Variants in KBTBD4 observed in about 807,000 individuals in gnomAD.
KBTBD4 encodes kelch repeat and BTB domain containing 4.
A neutral mutation model predicts 43.9 loss-of-function variants in KBTBD4; 30 were observed. The ratio of observed to expected loss-of-function variants is 0.68; its 90% CI spans 0.51 to 0.93. KBTBD4 has a LOEUF of 0.93. Ranked by LOEUF, KBTBD4 falls within the 40% of genes least tolerant of loss-of-function variation. The pLI, the probability that KBTBD4 is intolerant of heterozygous loss-of-function variation, is 0.00. For missense variants in KBTBD4, 575 were observed against 668.8 expected (o/e 0.86, Z 1.55); for synonymous variants, 258 against 256.9 (o/e 1.00, Z -0.04).
rs1005876907 is a variant in KBTBD4 at position 47,572,773 on chromosome 11, C to A, written c.*157G>T. 34 of 769,796 alleles carry A rather than the reference C, an allele frequency of 4.4e-5. No homozygotes were observed. Among genetic ancestry groups the A allele is most frequent in the Non-Finnish European group, 7.0e-5 (34 of 488,736 alleles). The allele number at this position is 769,796 out of a possible 1,614,324, so 47.7% of individuals were successfully genotyped here. ...GCTGAGCAGCAGCAGTCTAAAAAGC[C>A]CCAAACAGAACACCTCCATGGATTC... is the stretch of plus-strand genomic sequence containing the variant. On this transcript the variant is annotated 3_prime_UTR_variant, in exon 4 of 4. Coordinates refer to ENST00000430070, the MANE Select transcript of KBTBD4 (RefSeq NM_018095.6).
chr11:47,574,316 G>GTGAAACC (rs1565932004), intron 3 of KBTBD4, among the ~76,000 whole-genome samples: 1 of 152,090 alleles, frequency 6.6e-6, no homozygotes, highest in African/African-American at 2.4e-5. Flanking sequence ...GACCAATATG[G>GTGAAACC]TGAAACCCTG....
Position 47,572,647 on chromosome 11 carries a change from A to C in KBTBD4, c.*283T>G. The C allele has an allele frequency of 2.2e-6, 1 of 445,216 alleles. No homozygotes were observed. Among genetic ancestry groups the C allele is most frequent in the Non-Finnish European group, 4.0e-6 (1 of 248,370 alleles). 27.6% of individuals were successfully genotyped at this position (445,216 alleles called of 1,614,324 possible). On this transcript the variant is annotated 3_prime_UTR_variant, in exon 4 of 4. Transcript: ENST00000430070. ...CAGGTAAAGAGGAGAGGCTGTGCCT[A>C]AGGTCTGAGAAAAGGCTTGCTCTAA...
In KBTBD4 at chr11:47,572,198, C is replaced by G. The variant is rs150919873; in HGVS notation, c.*732G>C. 236 of 153,126 alleles carry G rather than the reference C, an allele frequency of 1.5e-3. No homozygotes were observed. The highest frequency in any genetic ancestry group is 2.2e-3 in the Non-Finnish European group (151 of 68,320). The allele number at this position is 153,126 out of a possible 1,614,324, so 9.5% of individuals were successfully genotyped here. ...TGGAATTCAACACAGACACACATAT[C>G]CCTTCAAAAACTTTTATTTGTATCA... On this transcript the variant is annotated 3_prime_UTR_variant, in exon 4 of 4. Coordinates refer to ENST00000430070, the MANE Select transcript of KBTBD4 (RefSeq NM_018095.6).
chr11:47,578,781 G>A, intron 1 of KBTBD4, 152 bp downstream of exon 1: 2 of 1,527,514 alleles, frequency 1.3e-6, no homozygotes, highest in Non-Finnish European at 1.8e-6. Context: ...CGGGGGAGGG[G>A]TGTGTAGCGT....
At chr11:47,575,506 CAAAAA>C (rs375608709) in intron 3 of KBTBD4, 82 bp downstream of exon 3, 12 of 687,330 alleles carry the variant, frequency 1.7e-5, no homozygotes, top group African/African-American at 7.4e-5. Flanking sequence ...GACTCCATCT[CAAAAA>C]AAAAAAAAAA....
rs2097254405 is a variant in KBTBD4, at chr11:47,573,797, G to C, written c.745-7C>G. The C allele has an allele frequency of 1.9e-6, 3 of 1,563,364 alleles. No individual in the cohort carries two copies. Among genetic ancestry groups the C allele is most frequent in the African/African-American group, 2.7e-5 (2 of 74,100 alleles). ...GCACATTCTCCCCAATTTCCTATTGGCAAAATTAAAATTATATGACAGCTG... is the reference window on the plus strand; with the variant it reads ...GCACATTCTCCCCAATTTCCTATTGCCAAAATTAAAATTATATGACAGCTG... On this transcript the variant is annotated splice_polypyrimidine_tract_variant and splice_region_variant and intron_variant, in intron 3 of 3. Transcript: ENST00000430070. This position sits in a 1 kb window ranked among gnomAD's most constrained non-coding sequence, Gnocchi z 4.1.
At chr11:47,575,845 T>A (rs1184231227) in intron 2 of KBTBD4, 146 bp from the exon 3 acceptor site, 1 of 481,284 alleles carries the variant, frequency 2.1e-6, no homozygotes, top group African/African-American at 2.2e-5. Context: ...ATACATGAAA[T>A]TAACCTAAAA....
In KBTBD4 at chr11:47,572,813, G is replaced by GCA; in HGVS notation, c.*115_*116dup. On this transcript the variant is annotated 3_prime_UTR_variant, in exon 4 of 4. Coordinates refer to ENST00000430070, the MANE Select transcript of KBTBD4 (RefSeq NM_018095.6). ...TCCATGGATTCAGGGAAGGGCTGAG[G>GCA]CACTGCCTTTCTAGTATGTGCCAAA... The GCA allele has an allele frequency of 9.5e-7, 1 of 1,054,222 alleles. No individual in the cohort carries two copies. The highest frequency in any genetic ancestry group is 1.4e-6 in the Non-Finnish European group (1 of 731,616). The allele number at this position is 1,054,222 out of a possible 1,614,324, so 65.3% of individuals were successfully genotyped here. A position where few individuals can be genotyped will look rare whatever the true frequency, so the allele number is the denominator to read the frequency against.
At chr11:47,578,280 C>T (rs1265660774) in intron 1 of KBTBD4, 2 of 587,460 alleles carry the variant, frequency 3.4e-6, no homozygotes, top group Admixed American at 3.1e-5. Flanking sequence ...TGAGAAAACA[C>T]GGAATAATTC....
intron 1 of KBTBD4, chr11:47,578,481 C>A: frequency 1.7e-6 from 1 of 598,966 alleles, no homozygotes; most frequent in South Asian, 2.0e-5. Context: ...CTCTCCTTCC[C>A]AGCGCATGGA....
At chr11:47,577,011 G>C (rs1330137429) in intron 2 of KBTBD4, among the ~76,000 whole-genome samples, 2 of 152,114 alleles carry the variant, frequency 1.3e-5, no homozygotes, top group African/African-American at 4.8e-5. Context: ...TATCTCACTT[G>C]CAAGGTTAGG....
chr11:47,573,319 G>T lies in KBTBD4; in HGVS notation c.1216C>A (p.Leu406Met). ...IYLLGGEEND[L>M]DFFTKPSRLI... ...CGGGAAGGTTTGGTAAAGAAGTCCA[G>T]ATCATTCTCCTCCCCCCCTAGTAAG... The change falls in exon 4 of 4, where the codon CTG becomes ATG. Residue 406 changes from leucine (L) to methionine (M), a missense_variant. By Grantham distance (15) the Leu-to-Met change is conservative (BLOSUM62 2). Coordinates refer to ENST00000430070, the MANE Select transcript of KBTBD4 (RefSeq NM_018095.6). This position sits in a 1 kb window ranked among gnomAD's most constrained non-coding sequence, Gnocchi z 4.1. 6.2e-7 allele frequency: 1 copy of T among 1,614,176 alleles called. No homozygotes were observed. The highest frequency in any genetic ancestry group is 8.5e-7 in the Non-Finnish European group (1 of 1,180,042).
Position 47,573,268 on chromosome 11 carries a change from T to C in KBTBD4, c.1267A>G (p.Thr423Ala). ...SRLIQCFDTE[T>A]DKCHVKPYVL... ...TAGGGCTTCACATGGCATTTGTCTG[T>C]CTCTGTGTCAAAGCACTGGATGAGT... The change falls in exon 4 of 4, where the codon ACA becomes GCA. Residue 423 changes from threonine (T) to alanine (A), a missense_variant. Transcript: ENST00000430070. The surrounding 1 kb of genome is among the most constrained non-coding windows in gnomAD (Gnocchi z 4.1). The C allele has an allele frequency of 6.2e-7, 1 of 1,614,120 alleles. No individual in the cohort carries two copies. Among genetic ancestry groups the C allele is most frequent in the Non-Finnish European group, 8.5e-7 (1 of 1,180,034 alleles).
chr11:47,578,549 T>G (rs2097264760), intron 1 of KBTBD4: 2 of 690,944 alleles, frequency 2.9e-6, no homozygotes, highest in Non-Finnish European at 5.2e-6. Flanking sequence ...ACATTTGCTC[T>G]CTTCTGAGCT....
Position 47,572,775 on chromosome 11 carries a change from C to T in KBTBD4, c.*155G>A, listed in dbSNP as rs751182939. 5 of 794,754 alleles carry T rather than the reference C, an allele frequency of 6.3e-6. No individual in the cohort carries two copies. Among genetic ancestry groups the T allele is most frequent in the African/African-American group, 3.5e-5 (2 of 57,352 alleles). The allele number at this position is 794,754 out of a possible 1,614,324, so 49.2% of individuals were successfully genotyped here. ...TGAGCAGCAGCAGTCTAAAAAGCCC[C>T]AAACAGAACACCTCCATGGATTCAG... On this transcript the variant is annotated 3_prime_UTR_variant, in exon 4 of 4. Transcript: ENST00000430070.
chr11:47,578,512 G>A (rs1023159155), intron 1 of KBTBD4: 2 of 647,258 alleles, frequency 3.1e-6, no homozygotes, highest in Non-Finnish European at 5.5e-6. Flanking sequence ...TCCATATGAA[G>A]CCTAGCCTGG....
intron 1 of KBTBD4, chr11:47,578,621 G>A (rs1156434883): frequency 6.7e-6 from 5 of 743,934 alleles, no homozygotes; most frequent in South Asian, 1.5e-5. Context: ...CAGAACTTGA[G>A]TCCATCCGCC....
chr11:47,578,466 A>T, intron 1 of KBTBD4: 1 of 587,178 alleles, frequency 1.7e-6, no homozygotes, highest in Non-Finnish European at 3.0e-6. Context: ...CCTAGTGGCC[A>T]GGTCCTCTCC....
intron 1 of KBTBD4, 154 bp downstream of exon 1, chr11:47,578,779 G>C: frequency 1.3e-6 from 2 of 1,521,024 alleles, no homozygotes; most frequent in Non-Finnish European, 1.8e-6. Flanking sequence ...AGCGGGGGAG[G>C]GGTGTGTAGC....
Sources: allele counts gnomAD v4.1 joint callset (sites outside exome capture counted in the v4.1 genomes callset), GRCh38; gene constraint gnomAD v4.1.1; non-coding constraint Gnocchi (gnomAD v3.1); transcripts MANE v1.5; gene names NCBI Gene and HGNC (gene_info 2026-07-23, HGNC 2026-07-21).